Variants in BMPR1A observed in about 807,000 individuals in gnomAD.
BMPR1A encodes the protein bone morphogenetic protein receptor type-1A.
Under a neutral mutation model 66.0 loss-of-function variants are expected in BMPR1A, and 7 were observed. The ratio of observed to expected loss-of-function variants is 0.11; its 90% CI spans 0.06 to 0.20. The LOEUF is 0.20. Ranked by LOEUF, BMPR1A falls within the 10% of genes least tolerant of loss-of-function variation. The probability of loss-of-function intolerance (pLI) is 1.00; values close to 1 mark genes in which losing one functional copy is unlikely to be tolerated. For missense variants in BMPR1A, 408 were observed against 669.1 expected, an observed-to-expected ratio of 0.61 and a Z score of 4.31; for synonymous variants, 200 against 229.7, an observed-to-expected ratio of 0.87 and a Z score of 1.17.
At chr10:86,916,542 A>G (rs1843570962) in intron 8 of BMPR1A, among the ~76,000 whole-genome samples, 1 of 152,224 alleles carries the variant, frequency 6.6e-6, no homozygotes, top group Non-Finnish European at 1.5e-5. Flanking sequence ...ATCCAAAGCA[A>G]GTCATGTGGC....
At chr10:86,793,221 GGAA>G (rs2132804332) in intron 1 of BMPR1A, among the ~76,000 whole-genome samples, 1 of 151,788 alleles carries the variant, frequency 6.6e-6, no homozygotes, top group South Asian at 2.1e-4. Context: ...TAGGAGAAGA[GGAA>G]GAAGAATTAA....
intron 8 of BMPR1A, among the ~76,000 whole-genome samples, chr10:86,912,816 G>C (rs74463117): frequency 0.032 from 4,909 of 151,650 alleles, 173 homozygotes; most frequent in African/African-American, 0.088. Context: ...TAAAAAAGAA[G>C]TTTCAACAGA....
intron 1 of BMPR1A, among the ~76,000 whole-genome samples, chr10:86,809,090 G>C (rs1229825530): frequency 6.6e-6 from 1 of 151,990 alleles, no homozygotes; most frequent in African/African-American, 2.4e-5. Context: ...TCATTTCAGT[G>C]ATAGGGAAGG....
At chr10:86,833,707 A>G (rs1347465746) in intron 1 of BMPR1A, among the ~76,000 whole-genome samples, 1 of 152,196 alleles carries the variant, frequency 6.6e-6, no homozygotes, top group African/African-American at 2.4e-5. Flanking sequence ...GGAAACATGT[A>G]TCTAGTTCAA....
chr10:86,919,678 G>T, intron 10 of BMPR1A, among the ~76,000 whole-genome samples: 1 of 149,348 alleles, frequency 6.7e-6, no homozygotes, highest in South Asian at 2.1e-4. Context: ...ATATTTTTTT[G>T]GTGTTTTTTT....
intron 1 of BMPR1A, among the ~76,000 whole-genome samples, chr10:86,786,400 CCT>C (rs1208897301): frequency 1.3e-5 from 2 of 152,130 alleles, no homozygotes; most frequent in Non-Finnish European, 2.9e-5. Flanking sequence ...CTCCCAGCAC[CCT>C]GTTTCTTGCA....
chr10:86,805,683 G>C (rs1192250488), intron 1 of BMPR1A, among the ~76,000 whole-genome samples: 1 of 151,894 alleles, frequency 6.6e-6, no homozygotes, highest in African/African-American at 2.4e-5. Flanking sequence ...GGATGGTCTC[G>C]ATCTTCTGAC....
intron 1 of BMPR1A, among the ~76,000 whole-genome samples, chr10:86,819,788 G>A (rs1156567175): frequency 6.6e-6 from 1 of 152,160 alleles, no homozygotes; most frequent in East Asian, 1.9e-4. Context: ...GGCATACCAT[G>A]GGTTCTTCAG....
At chr10:86,886,896 A>T (rs1843074778) in intron 3 of BMPR1A, among the ~76,000 whole-genome samples, 1 of 130,490 alleles carries the variant, frequency 7.7e-6, no homozygotes. Flanking sequence ...CAATGGCTTG[A>T]TCTCTGTTCA....
chr10:86,847,094 A>G (rs1842495933), intron 2 of BMPR1A, among the ~76,000 whole-genome samples: 1 of 152,044 alleles, frequency 6.6e-6, no homozygotes, highest in South Asian at 2.1e-4. Context: ...ACCTCAAGTG[A>G]TCTACCCACC....
At chr10:86,825,515 T>G (rs1842181695) in intron 1 of BMPR1A, among the ~76,000 whole-genome samples, 3 of 151,782 alleles carry the variant, frequency 2.0e-5, no homozygotes, top group Admixed American at 6.6e-5. Context: ...CTTGCCCTGT[T>G]GCCCAGGCTA....
intron 1 of BMPR1A, among the ~76,000 whole-genome samples, chr10:86,792,785 C>T (rs1000009341): frequency 2.0e-5 from 3 of 152,136 alleles, no homozygotes; most frequent in African/African-American, 7.2e-5. Context: ...TAAAATGGAT[C>T]ATGATGGGTA....
intron 5 of BMPR1A, among the ~76,000 whole-genome samples, chr10:86,893,714 G>A (rs1843187461): frequency 6.6e-6 from 1 of 151,996 alleles, no homozygotes; most frequent in Non-Finnish European, 1.5e-5. Flanking sequence ...CATGAACCCG[G>A]GAGGTGGAGC....
In BMPR1A at chr10:86,869,456, C is replaced by CAA. The variant is rs56797101; in HGVS notation, c.-152-6394_-152-6393dup. Among the ~76,000 whole-genome samples, 190 of 108,684 alleles carry CAA rather than the reference C, an allele frequency of 1.7e-3. 2 individuals are homozygous for CAA. The highest frequency in any genetic ancestry group is 5.4e-3 in the Admixed American group (54 of 10,084). 71.3% of individuals were successfully genotyped at this position (108,684 alleles called of 152,430 possible). A position where few individuals can be genotyped will look rare whatever the true frequency, so the allele number is the denominator to read the frequency against. On this transcript the variant is annotated intron_variant, in intron 2 of 12. Coordinates refer to ENST00000372037, the MANE Select transcript of BMPR1A (RefSeq NM_004329.3). ...TGGGCTACAGAGCAAGACTCTGTCTCAAAAAAAAAAAAAAAAAAGGCTGGA... is the reference window on the plus strand; with the variant it reads ...TGGGCTACAGAGCAAGACTCTGTCTCAAAAAAAAAAAAAAAAAAAAGGCTGGA...
intron 1 of BMPR1A, among the ~76,000 whole-genome samples, chr10:86,822,080 G>A (rs1440877417): frequency 6.6e-6 from 1 of 151,948 alleles, no homozygotes; most frequent in African/African-American, 2.4e-5. Flanking sequence ...CACCCACCTC[G>A]GCCTCCCAAA....
intron 1 of BMPR1A, among the ~76,000 whole-genome samples, chr10:86,820,372 C>CT (rs373624964): frequency 0.032 from 4,574 of 142,428 alleles, 81 homozygotes; most frequent in South Asian, 0.088. Context: ...AAGATGACAT[C>CT]TTTTTTTTTT....
intron 3 of BMPR1A, chr10:86,889,748 T>A (rs947732741): frequency 6.1e-5 from 17 of 279,128 alleles, no homozygotes; most frequent in African/African-American, 2.0e-4. Flanking sequence ...AATTAAAAAA[T>A]TTTTAAGTTA....
intron 1 of BMPR1A, among the ~76,000 whole-genome samples, chr10:86,825,473 TTGTGTGTGTG>T (rs34683915): frequency 6.7e-6 from 1 of 148,868 alleles, no homozygotes; most frequent in Admixed American, 6.7e-5. Context: ...CTTTTTTTGT[TTGTGTGTGTG>T]TGTGTGTGTG....
chr10:86,790,892 G>T (rs1841606828), intron 1 of BMPR1A, among the ~76,000 whole-genome samples: 1 of 152,128 alleles, frequency 6.6e-6, no homozygotes, highest in African/African-American at 2.4e-5. Context: ...CCAAAGAATG[G>T]AATAAAGCCT....
Sources: allele counts gnomAD v4.1 joint callset (sites outside exome capture counted in the v4.1 genomes callset), GRCh38; gene constraint gnomAD v4.1.1; transcripts MANE v1.5; gene names NCBI Gene and HGNC (gene_info 2026-07-23, HGNC 2026-07-21).